NRXN1: variants seen among roughly 807,000 people sequenced by gnomAD.
The protein encoded by NRXN1 is neurexin 1, also known as neurexin-1.
In NRXN1, 39 loss-of-function variants were observed where a neutral mutation model predicts 150.9. The observed-to-expected ratio is 0.26, with a 90% CI of 0.20 to 0.34. The LOEUF (loss-of-function observed/expected upper bound fraction) is 0.34, where lower values mean the gene tolerates loss of function less well. NRXN1 is among the 10% of genes least tolerant of loss of function. The pLI is 1.00. For synonymous variants in NRXN1, 924 were observed against 757.0 expected (o/e 1.22, Z -3.62); for missense variants, 1,815 against 1,949.9 (o/e 0.93, Z 1.30).
At chr2:50,824,740 C>G (rs1379376639) in intron 5 of NRXN1, among the ~76,000 whole-genome samples, 1 of 152,124 alleles carries the variant, frequency 6.6e-6, no homozygotes, top group African/African-American at 2.4e-5. Context: ...CAGGGTCATG[C>G]AAGGCTAAAA....
At chr2:50,476,271 A>G (rs780217032) in intron 15 of NRXN1, among the ~76,000 whole-genome samples, 8 of 152,114 alleles carry the variant, frequency 5.3e-5, no homozygotes, top group Non-Finnish European at 8.8e-5. Flanking sequence ...TCTGTGAATG[A>G]ACTGGGGTGA....
At chr2:50,441,283 A>G (rs1400479462) in intron 17 of NRXN1, among the ~76,000 whole-genome samples, 1 of 152,210 alleles carries the variant, frequency 6.6e-6, no homozygotes, top group Non-Finnish European at 1.5e-5. Flanking sequence ...ATTTCATGGT[A>G]AATGGATTAT....
chr2:50,627,634 A>G (rs1381297906), intron 5 of NRXN1, among the ~76,000 whole-genome samples: 1 of 151,562 alleles, frequency 6.6e-6, no homozygotes, highest in Non-Finnish European at 1.5e-5. Context: ...ACACACACAC[A>G]CACGAGAGAT....
Position 50,290,200 on chromosome 2 carries a change from G to T in NRXN1, c.3365-53230C>A, listed in dbSNP as rs115652925. Among the ~76,000 whole-genome samples the T allele has an allele frequency of 8.0e-3, 1,218 of 152,196 alleles. 16 individuals carry two copies. The highest frequency in any genetic ancestry group is 0.028 in the African/African-American group (1,175 of 41,516). On this transcript the variant is annotated intron_variant, in intron 17 of 22. Coordinates refer to ENST00000401669, the MANE Select transcript of NRXN1 (RefSeq NM_001330078.2). ...AGCTCATTTGCGCAAAATAATTAAC[G>T]ACAAATGAGTAGTATTTCTTTCCCA...
chr2:50,589,507 C>CAG (rs1477705598), intron 8 of NRXN1: 2 of 117,928 alleles, frequency 1.7e-5, no homozygotes, highest in Non-Finnish European at 3.7e-5. Flanking sequence ...CAGGTGTGAA[C>CAG]CACCATGCCT....
At chr2:50,615,896 T>A (rs1678984136) in intron 8 of NRXN1, 1 of 152,156 alleles carries the variant, frequency 6.6e-6, no homozygotes, top group African/African-American at 2.4e-5. Context: ...TTAAGCAACA[T>A]ATATTTCAGC....
chr2:50,569,412 C>G (rs34288758), intron 8 of NRXN1, among the ~76,000 whole-genome samples: 1 of 151,928 alleles, frequency 6.6e-6, no homozygotes. Context: ...ACTCCATAAA[C>G]ACTTAGTATG....
At chr2:50,749,617 A>G (rs770900662) in intron 5 of NRXN1, among the ~76,000 whole-genome samples, 2 of 152,128 alleles carry the variant, frequency 1.3e-5, no homozygotes, top group Non-Finnish European at 2.9e-5. Context: ...ATTCAAAAGG[A>G]AGAATATGAC....
intron 5 of NRXN1, among the ~76,000 whole-genome samples, chr2:50,689,877 TG>T (rs1691821086): frequency 6.6e-6 from 1 of 151,122 alleles, no homozygotes; most frequent in African/African-American, 2.4e-5. Context: ...TGTGTGTGTG[TG>T]TGTGTGTGTG....
chr2:50,413,046 C>T (rs1000380463), intron 17 of NRXN1, among the ~76,000 whole-genome samples: 2 of 152,154 alleles, frequency 1.3e-5, no homozygotes, highest in African/African-American at 4.8e-5. Flanking sequence ...GAGGAATACA[C>T]TACAAGCACA....
intron 8 of NRXN1, among the ~76,000 whole-genome samples, chr2:50,566,321 G>T (rs1311329126): frequency 6.6e-6 from 1 of 151,826 alleles, no homozygotes; most frequent in Non-Finnish European, 1.5e-5. Context: ...TCAGCTCACT[G>T]CAACCTCCGC....
intron 17 of NRXN1, among the ~76,000 whole-genome samples, chr2:50,359,831 G>T (rs1178674521): frequency 1.3e-5 from 2 of 152,040 alleles, no homozygotes; most frequent in East Asian, 3.9e-4. Context: ...TGAAATGAAG[G>T]AAAAAATGTC....
Position 50,788,371 on chromosome 2 carries a change from GC to G in NRXN1, c.832+133497del, listed in dbSNP as rs879486580. Among the ~76,000 whole-genome samples the G allele has an allele frequency of 9.9e-5, 15 of 152,044 alleles. No individual in the cohort carries two copies. In the Admixed American group the frequency reaches 9.9e-4, roughly 10 times the overall value. ...TAAAGTGCTGGGATTACAGGCATGA[GC>G]CACCGCGCCCGGCCTCCCCACTGGT... On this transcript the variant is annotated intron_variant, in intron 5 of 22. Coordinates refer to ENST00000401669, the MANE Select transcript of NRXN1 (RefSeq NM_001330078.2).
intron 8 of NRXN1, among the ~76,000 whole-genome samples, chr2:50,561,517 T>C (rs1669077025): frequency 6.6e-6 from 1 of 152,126 alleles, no homozygotes; most frequent in South Asian, 2.1e-4. Flanking sequence ...ATCAAAATAA[T>C]GTATTGGGGA....
intron 17 of NRXN1, among the ~76,000 whole-genome samples, chr2:50,380,103 T>C (rs1339250456): frequency 6.6e-6 from 1 of 152,080 alleles, no homozygotes. Flanking sequence ...TTTCCAAGAA[T>C]ATATATTTTT....
At chr2:50,263,361 T>G (rs910616760) in intron 17 of NRXN1, among the ~76,000 whole-genome samples, 3 of 152,010 alleles carry the variant, frequency 2.0e-5, no homozygotes, top group African/African-American at 7.2e-5. Flanking sequence ...GGTGGCACTG[T>G]GTGTACTCTC....
chr2:49,999,889 AAGAAG>A (rs1683620875), intron 21 of NRXN1, among the ~76,000 whole-genome samples: 1 of 152,166 alleles, frequency 6.6e-6, no homozygotes, highest in African/African-American at 2.4e-5. Flanking sequence ...CCTTCACCCC[AAGAAG>A]GGCTTAAACG....
chr2:50,808,228 T>C (rs1393866682), intron 5 of NRXN1, among the ~76,000 whole-genome samples: 1 of 152,124 alleles, frequency 6.6e-6, no homozygotes, highest in Non-Finnish European at 1.5e-5. Context: ...AGAATGACTG[T>C]AACCAATTTG....
chr2:50,890,626 A>G (rs1171372706), intron 5 of NRXN1, among the ~76,000 whole-genome samples: 1 of 151,908 alleles, frequency 6.6e-6, no homozygotes, highest in African/African-American at 2.4e-5. Flanking sequence ...TACGTTAAGT[A>G]TGAATGTGAT....
Sources: gnomAD v4.1 joint callset for allele counts (sites outside exome capture counted in the v4.1 genomes callset) on GRCh38, gnomAD v4.1.1 for gene constraint, MANE v1.5 for transcripts, NCBI Gene and HGNC (gene_info 2026-07-23, HGNC 2026-07-21) for gene names.